NELL1: variants seen among roughly 807,000 people sequenced by gnomAD.
NELL1 encodes neural EGFL like 1.
NELL1 carries 76 observed loss-of-function variants against 107.4 expected under a neutral mutation model. That is an observed-to-expected ratio of 0.71 (90% CI 0.59 to 0.86). The LOEUF is 0.86. Ranked by LOEUF, NELL1 falls within the 40% of genes least tolerant of loss-of-function variation. NELL1 has a pLI of 0.00. For synonymous variants in NELL1, 353 were observed against 341.2 expected (o/e 1.03, Z -0.38); for missense variants, 1,024 against 1,005.5 (o/e 1.02, Z -0.25).
chr11:21,082,721 C>G (rs147490448), intron 12 of NELL1, among the ~76,000 whole-genome samples: 1 of 152,010 alleles, frequency 6.6e-6, no homozygotes. Context: ...TCCCCTCCCC[C>G]CAAAAAAACA....
At chr11:21,541,882 T>C (rs1322243798) in intron 16 of NELL1, among the ~76,000 whole-genome samples, 1 of 152,092 alleles carries the variant, frequency 6.6e-6, no homozygotes, top group Non-Finnish European at 1.5e-5. Context: ...ACCTGTCACA[T>C]GAAAACAATA....
At chr11:21,241,981 G>T (rs1858374347) in intron 14 of NELL1, among the ~76,000 whole-genome samples, 1 of 137,950 alleles carries the variant, frequency 7.2e-6, no homozygotes, top group Admixed American at 8.0e-5. Context: ...GTTACACCTT[G>T]TCCTGTGAGA....
At chr11:20,798,745 G>T (rs1241169754) in intron 3 of NELL1, among the ~76,000 whole-genome samples, 1 of 152,208 alleles carries the variant, frequency 6.6e-6, no homozygotes, top group Non-Finnish European at 1.5e-5. Context: ...AGAAGACCTG[G>T]ACTCAAGGCT....
rs187835216 is a variant in NELL1, at chr11:20,727,182, A to G, written c.184+49122A>G. 7.7e-3 allele frequency among the ~76,000 whole-genome samples: 1,170 copies of G among 152,328 alleles called. 14 individuals are homozygous for G. Among genetic ancestry groups the G allele is most frequent in the African/African-American group, 0.027 (1,116 of 41,576 alleles). ...TAGAGGAATCTCCACACTGTCTTCCACAATGGTTGAACTAGTTTACAGTCT... is the reference window on the plus strand; with the variant it reads ...TAGAGGAATCTCCACACTGTCTTCCGCAATGGTTGAACTAGTTTACAGTCT... On this transcript the variant is annotated intron_variant, in intron 2 of 19. Coordinates refer to ENST00000357134, the MANE Select transcript of NELL1 (RefSeq NM_006157.5).
intron 13 of NELL1, among the ~76,000 whole-genome samples, chr11:21,124,257 C>T (rs1010490767): frequency 1.1e-4 from 17 of 152,118 alleles, no homozygotes; most frequent in African/African-American, 3.1e-4. Flanking sequence ...TTTTTCCCCC[C>T]GAAGTCTCCT....
chr11:20,940,104 A>T (rs1346486953), intron 10 of NELL1, among the ~76,000 whole-genome samples: 2 of 152,120 alleles, frequency 1.3e-5, no homozygotes, highest in East Asian at 3.9e-4. Context: ...CTAGCACCTC[A>T]ACAAAGATGA....
rs191967783 is a variant in NELL1 at position 21,319,975 on chromosome 11, T to G, written c.1550-50878T>G. Among the ~76,000 whole-genome samples the G allele has an allele frequency of 2.6e-5, 4 of 151,928 alleles. No homozygotes were observed. The East Asian group carries it at 7.8e-4, about 30-fold the overall frequency. ...ACAAGAAGCAGAGAGTATAGGAGAG[T>G]ATGAAGGCTGATGGGTGGAGGGAGA... On this transcript the variant is annotated intron_variant, in intron 14 of 19. Coordinates refer to ENST00000357134, the MANE Select transcript of NELL1 (RefSeq NM_006157.5).
rs187524544 is a variant in NELL1, at chr11:20,747,688, G to T, written c.185-35992G>T. Among the ~76,000 whole-genome samples, 339 of 152,278 alleles carry T rather than the reference G, an allele frequency of 2.2e-3. 4 individuals carry two copies. Among genetic ancestry groups the T allele is most frequent in the Non-Finnish European group, 1.7e-3 (114 of 68,030 alleles). Reference sequence around the variant, plus strand: ...TTAAATTTCAACATGCGTTTTGGAGGTGACAAATGTTCACATCATAGCAGA... The same window carrying T: ...TTAAATTTCAACATGCGTTTTGGAGTTGACAAATGTTCACATCATAGCAGA... On this transcript the variant is annotated intron_variant, in intron 2 of 19. Coordinates refer to ENST00000357134, the MANE Select transcript of NELL1 (RefSeq NM_006157.5).
intron 12 of NELL1, among the ~76,000 whole-genome samples, chr11:21,079,247 GAAA>G (rs1444656161): frequency 4.6e-5 from 7 of 151,982 alleles, no homozygotes; most frequent in Admixed American, 3.9e-4. Flanking sequence ...AATAAAACAT[GAAA>G]ACACATAAAG....
At chr11:20,895,340 G>GTA (rs1466870215) in intron 5 of NELL1, among the ~76,000 whole-genome samples, 1 of 125,264 alleles carries the variant, frequency 8.0e-6, no homozygotes, top group Non-Finnish European at 1.6e-5. Flanking sequence ...GTCCTACTGT[G>GTA]TATATGTACC....
chr11:21,346,534 A>G lies in NELL1; in HGVS notation c.1550-24319A>G, dbSNP rs549707449. Reference sequence around the variant, plus strand: ...AAATAAATTATATATAATTTATTATATATGATATATAATAATATGTGGTAT... The same window carrying G: ...AAATAAATTATATATAATTTATTATGTATGATATATAATAATATGTGGTAT... On this transcript the variant is annotated intron_variant, in intron 14 of 19. Transcript: ENST00000357134. Among the ~76,000 whole-genome samples, 3 of 147,958 alleles carry G rather than the reference A, an allele frequency of 2.0e-5. No individual in the cohort carries two copies. In the South Asian group the frequency reaches 6.3e-4, roughly 31 times the overall value.
chr11:21,376,173 G>A (rs1249171519), intron 15 of NELL1, among the ~76,000 whole-genome samples: 1 of 151,942 alleles, frequency 6.6e-6, no homozygotes, highest in Admixed American at 6.6e-5. Flanking sequence ...GGATTCTACA[G>A]TTTGAGGTCT....
At chr11:20,672,706 A>G (rs1264750276) in intron 1 of NELL1, among the ~76,000 whole-genome samples, 1 of 152,244 alleles carries the variant, frequency 6.6e-6, no homozygotes, top group African/African-American at 2.4e-5. Context: ...GGCAGTGTGA[A>G]TAATTGAAAA....
At chr11:20,742,332 G>A (rs1288326305) in intron 2 of NELL1, among the ~76,000 whole-genome samples, 1 of 152,116 alleles carries the variant, frequency 6.6e-6, no homozygotes, top group Non-Finnish European at 1.5e-5. Flanking sequence ...AAACCAAGAG[G>A]AAAATGACTG....
intron 11 of NELL1, among the ~76,000 whole-genome samples, chr11:20,959,511 T>G (rs1386261944): frequency 3.9e-5 from 6 of 152,308 alleles, no homozygotes; most frequent in African/African-American, 1.4e-4. Flanking sequence ...ATTAGTGGCA[T>G]TCACAGCAAG....
At chr11:21,449,586 A>T (rs562477476) in intron 15 of NELL1, among the ~76,000 whole-genome samples, 1 of 152,266 alleles carries the variant, frequency 6.6e-6, no homozygotes, top group South Asian at 2.1e-4. Context: ...ATTCTTTTAT[A>T]GATTATGTTT....
chr11:21,154,261 A>G (rs1003031372), intron 13 of NELL1, among the ~76,000 whole-genome samples: 3 of 152,224 alleles, frequency 2.0e-5, no homozygotes, highest in Non-Finnish European at 2.9e-5. Context: ...CTACTGAAAT[A>G]TATGATGATC....
At chr11:21,264,895 G>A (rs1848606871) in intron 14 of NELL1, among the ~76,000 whole-genome samples, 1 of 151,806 alleles carries the variant, frequency 6.6e-6, no homozygotes, top group Non-Finnish European at 1.5e-5. Context: ...CCAAAATAGA[G>A]AGCAGTTGAA....
At chr11:21,549,418 G>A (rs1187641256) in intron 16 of NELL1, among the ~76,000 whole-genome samples, 1 of 151,856 alleles carries the variant, frequency 6.6e-6, no homozygotes, top group Non-Finnish European at 1.5e-5. Context: ...CAAACCATCT[G>A]CAGGTTCTTG....
Sources: allele counts gnomAD v4.1 joint callset (sites outside exome capture counted in the v4.1 genomes callset), GRCh38; gene constraint gnomAD v4.1.1; transcripts MANE v1.5; gene names NCBI Gene and HGNC (gene_info 2026-07-23, HGNC 2026-07-21).